The following CNGB3 variants were observed in gnomAD, a reference collection of about 807,000 sequenced individuals.
CNGB3 encodes the protein cyclic nucleotide-gated channel beta-3.
CNGB3 carries 86 observed loss-of-function variants against 92.8 expected under a neutral mutation model. That is an observed-to-expected ratio of 0.93 (90% CI 0.78 to 1.11). The LOEUF (loss-of-function observed/expected upper bound fraction) is 1.11. CNGB3 is among the 50% of genes least tolerant of loss of function. The probability of loss-of-function intolerance (pLI) is 0.00; values close to 1 mark genes in which losing one functional copy is unlikely to be tolerated. For missense variants in CNGB3, 1,026 were observed against 956.8 expected, an observed-to-expected ratio of 1.07 and a Z score of -0.95; for synonymous variants, 333 against 332.7, an observed-to-expected ratio of 1.00 and a Z score of -0.01.
chr8:86,720,584 T>A (rs1824946836), intron 3 of CNGB3, among the ~76,000 whole-genome samples: 1 of 152,042 alleles, frequency 6.6e-6, no homozygotes. Flanking sequence ...TGGAAAACAG[T>A]TTGGAGATTC....
chr8:86,660,426 G>A (rs966290933), intron 6 of CNGB3: 1 of 486,562 alleles, frequency 2.1e-6, no homozygotes, highest in Non-Finnish European at 4.2e-6. Context: ...CTAGAACTCA[G>A]AATAGGGTGT....
intron 3 of CNGB3, among the ~76,000 whole-genome samples, chr8:86,701,982 T>A (rs1171349741): frequency 1.3e-5 from 2 of 152,256 alleles, no homozygotes; most frequent in African/African-American, 2.4e-5. Flanking sequence ...GTCTTTGTTT[T>A]ATTTATCAGT....
At chr8:86,673,261 G>T (rs978808484) in intron 3 of CNGB3, among the ~76,000 whole-genome samples, 2 of 152,178 alleles carry the variant, frequency 1.3e-5, no homozygotes, top group African/African-American at 4.8e-5. Context: ...GTCAAGGAGG[G>T]GCTTTGTAGA....
chr8:86,647,731 G>C lies in CNGB3; in HGVS notation c.990+70C>G, dbSNP rs1823316131. On this transcript the variant is annotated intron_variant, in intron 8 of 17. Transcript: ENST00000320005. ...TTTAAGATACTTTAAATTGTTTCAA[G>C]ATTTCCATTATAGGGAAATAGAAAT... The C allele has an allele frequency of 3.4e-6, 3 of 891,304 alleles. No individual in the cohort carries two copies. In the South Asian group the frequency reaches 4.0e-5, roughly 12 times the overall value. The allele number at this position is 891,304 out of a possible 1,614,324, so 55.2% of individuals were successfully genotyped here.
intron 6 of CNGB3, among the ~76,000 whole-genome samples, chr8:86,663,977 T>C (rs921423706): frequency 6.6e-6 from 1 of 152,254 alleles, no homozygotes; most frequent in Non-Finnish European, 1.5e-5. Context: ...TTTCCATTTG[T>C]CAAACATTGA....
intron 3 of CNGB3, among the ~76,000 whole-genome samples, chr8:86,677,741 A>G (rs1397391942): frequency 1.3e-5 from 2 of 152,144 alleles, no homozygotes; most frequent in African/African-American, 4.8e-5. Flanking sequence ...GCTGCACATA[A>G]AGTGAGTAGG....
intron 15 of CNGB3, 116 bp downstream of exon 15, chr8:86,603,977 G>T (rs2131559045): frequency 1.4e-6 from 1 of 729,766 alleles, no homozygotes; most frequent in Non-Finnish European, 2.4e-6. Flanking sequence ...TTTTACGAAT[G>T]CTCTCAGCAC....
chr8:86,696,184 C>T (rs906038199), intron 3 of CNGB3, among the ~76,000 whole-genome samples: 20 of 152,150 alleles, frequency 1.3e-4, no homozygotes, highest in African/African-American at 2.2e-4. Flanking sequence ...TTAGCCAGGG[C>T]GTTGCAGGCA....
At chr8:86,725,763 C>T (rs1420074439) in intron 3 of CNGB3, among the ~76,000 whole-genome samples, 6 of 152,018 alleles carry the variant, frequency 3.9e-5, no homozygotes, top group Non-Finnish European at 7.4e-5. Context: ...GTGGGATGGA[C>T]GAATAGGTAC....
At chr8:86,637,393 G>A (rs1823092349) in intron 10 of CNGB3, among the ~76,000 whole-genome samples, 1 of 152,092 alleles carries the variant, frequency 6.6e-6, no homozygotes, top group African/African-American at 2.4e-5. Flanking sequence ...CAGGAAGTGG[G>A]ATGCCTTTGG....
rs142099251 is a variant in CNGB3 at position 86,705,407 on chromosome 8, C to T, written c.338+21124G>A. ...GCTGGCAGACGACCTGCCCCCGCTG[C>T]CCCCAACCCACCCGCAAATGTCCAT... On this transcript the variant is annotated intron_variant, in intron 3 of 17. Transcript: ENST00000320005. Among the ~76,000 whole-genome samples, 232 of 152,162 alleles carry T rather than the reference C, an allele frequency of 1.5e-3. 1 individual carries two copies. Among genetic ancestry groups the T allele is most frequent in the African/African-American group, 5.0e-3 (206 of 41,510 alleles).
intron 14 of CNGB3, among the ~76,000 whole-genome samples, chr8:86,605,812 A>C (rs1035742931): frequency 6.6e-6 from 1 of 152,030 alleles, no homozygotes; most frequent in African/African-American, 2.4e-5. Context: ...ACCTAGGTTT[A>C]TTTTCCTGAA....
intron 13 of CNGB3, among the ~76,000 whole-genome samples, chr8:86,615,904 T>A (rs1425083067): frequency 6.6e-6 from 1 of 152,156 alleles, no homozygotes; most frequent in Non-Finnish European, 1.5e-5. Flanking sequence ...CTTTCATTTT[T>A]ATTAATTTTA....
At chr8:86,578,565 T>C (rs1238635575) in intron 17 of CNGB3, 124 bp downstream of exon 17, 1 of 888,748 alleles carries the variant, frequency 1.1e-6, no homozygotes, top group Non-Finnish European at 1.9e-6. Flanking sequence ...AAGCAGGAAG[T>C]ATTAGTATTA....
intron 15 of CNGB3, among the ~76,000 whole-genome samples, chr8:86,584,523 G>C (rs985956180): frequency 1.3e-5 from 2 of 152,068 alleles, no homozygotes; most frequent in African/African-American, 2.4e-5. Flanking sequence ...TAGTCTGTCT[G>C]CCAGATGGAT....
intron 3 of CNGB3, among the ~76,000 whole-genome samples, chr8:86,700,771 T>C (rs1824540734): frequency 6.6e-6 from 1 of 152,114 alleles, no homozygotes; most frequent in African/African-American, 2.4e-5. Flanking sequence ...TGTGAGTAGC[T>C]GGGATTATAG....
intron 10 of CNGB3, among the ~76,000 whole-genome samples, chr8:86,642,249 A>C (rs1823203379): frequency 6.6e-6 from 1 of 151,814 alleles, no homozygotes; most frequent in South Asian, 2.1e-4. Context: ...GCTATCAGCC[A>C]CAGTCATCTA....
intron 3 of CNGB3, among the ~76,000 whole-genome samples, chr8:86,697,947 C>T (rs887113597): frequency 2.0e-5 from 3 of 152,130 alleles, no homozygotes; most frequent in Admixed American, 6.5e-5. Flanking sequence ...CAGCTTCATC[C>T]ATGTCTCTAC....
Position 86,660,854 on chromosome 8 carries a change from C to G in CNGB3, c.852+6071G>C, listed in dbSNP as rs1306544431. ...TAACTTGGCAATTCAGTTTAAGGTC[C>G]TCTTCATAAGGCCAGTTAGCTCAAG... is the stretch of plus-strand genomic sequence containing the variant. On this transcript the variant is annotated intron_variant, in intron 6 of 17. Transcript: ENST00000320005. 9.6e-6 allele frequency: 4 copies of G among 417,470 alleles called. 1 individual carries two copies. Among genetic ancestry groups the G allele is most frequent in the Non-Finnish European group, 2.0e-5 (4 of 202,976 alleles). The allele number at this position is 417,470 out of a possible 1,614,324, so 25.9% of individuals were successfully genotyped here. A position where few individuals can be genotyped will look rare whatever the true frequency, so the allele number is the denominator to read the frequency against.
Sources: gnomAD v4.1 joint callset for allele counts (sites outside exome capture counted in the v4.1 genomes callset) on GRCh38, gnomAD v4.1.1 for gene constraint, MANE v1.5 for transcripts, NCBI Gene and HGNC (gene_info 2026-07-23, HGNC 2026-07-21) for gene names.